DLG2: variants seen among roughly 807,000 people sequenced by gnomAD.
DLG2 encodes the protein discs large MAGUK scaffold protein 2.
In DLG2, 45 loss-of-function variants were observed where a neutral mutation model predicts 132.5. The ratio of observed to expected loss-of-function variants is 0.34; its 90% CI spans 0.27 to 0.44. The LOEUF (loss-of-function observed/expected upper bound fraction) is 0.44. Ranked by LOEUF, DLG2 falls within the 20% of genes least tolerant of loss-of-function variation. The probability of loss-of-function intolerance (pLI) is 1.00; values close to 1 mark genes in which losing one functional copy is unlikely to be tolerated. For missense variants in DLG2, 1,045 were observed against 1,196.9 expected, an observed-to-expected ratio of 0.87 and a Z score of 1.87; for synonymous variants, 424 against 419.6, an observed-to-expected ratio of 1.01 and a Z score of -0.13.
At chr11:83,547,281 C>T (rs1463898323) in intron 19 of DLG2, among the ~76,000 whole-genome samples, 1 of 152,094 alleles carries the variant, frequency 6.6e-6, no homozygotes, top group Non-Finnish European at 1.5e-5. Flanking sequence ...CCTTAACTCA[C>T]TCCCCCAAAA....
intron 6 of DLG2, among the ~76,000 whole-genome samples, chr11:84,859,493 T>A (rs2083326146): frequency 6.8e-6 from 1 of 147,878 alleles, no homozygotes; most frequent in African/African-American, 2.5e-5. Flanking sequence ...TGTATATATT[T>A]TATATATATC....
At chr11:84,260,997 T>C (rs1167158065) in intron 7 of DLG2, among the ~76,000 whole-genome samples, 3 of 152,204 alleles carry the variant, frequency 2.0e-5, no homozygotes, top group African/African-American at 7.2e-5. Context: ...ATTCACTCTA[T>C]GTGGTGCTAT....
intron 4 of DLG2, among the ~76,000 whole-genome samples, chr11:85,207,188 G>T (rs1436378288): frequency 6.6e-6 from 1 of 151,928 alleles, no homozygotes; most frequent in African/African-American, 2.4e-5. Context: ...TACATATATT[G>T]TACTAATGAG....
intron 6 of DLG2, among the ~76,000 whole-genome samples, chr11:85,019,346 G>C (rs1732037039): frequency 6.6e-6 from 1 of 152,142 alleles, no homozygotes; most frequent in Non-Finnish European, 1.5e-5. Flanking sequence ...GACAAGGATA[G>C]GGGAACACTG....
chr11:83,697,146 G>A (rs2082084495), intron 18 of DLG2, among the ~76,000 whole-genome samples: 1 of 152,196 alleles, frequency 6.6e-6, no homozygotes, highest in African/African-American at 2.4e-5. Flanking sequence ...GGAGGAGAAA[G>A]TAGAAGTTTG....
chr11:83,577,825 T>C (rs2096903365), intron 19 of DLG2, among the ~76,000 whole-genome samples: 1 of 112,850 alleles, frequency 8.9e-6, no homozygotes, highest in South Asian at 2.5e-4. Flanking sequence ...ATACAAAATA[T>C]TAAATATATA....
intron 7 of DLG2, among the ~76,000 whole-genome samples, chr11:84,472,619 G>A (rs902731394): frequency 2.6e-5 from 4 of 151,754 alleles, no homozygotes; most frequent in African/African-American, 9.7e-5. Flanking sequence ...TAACTTCAAG[G>A]ATCTTATTTA....
At chr11:83,508,536 C>T (rs780861905) in intron 21 of DLG2, among the ~76,000 whole-genome samples, 74 of 151,626 alleles carry the variant, frequency 4.9e-4, no homozygotes, top group Admixed American at 1.3e-3. Context: ...AGCCACCATG[C>T]CTGGCCAGAA....
chr11:84,967,198 G>C (rs943040162), intron 6 of DLG2, among the ~76,000 whole-genome samples: 1 of 151,976 alleles, frequency 6.6e-6, no homozygotes, highest in Admixed American at 6.6e-5. Flanking sequence ...ACAAAATCTT[G>C]AGCCATACTT....
At chr11:84,599,796 C>G (rs1228591716) in intron 6 of DLG2, among the ~76,000 whole-genome samples, 1 of 151,988 alleles carries the variant, frequency 6.6e-6, no homozygotes, top group Non-Finnish European at 1.5e-5. Flanking sequence ...CTTTAGGAGG[C>G]AGAGGCAGGC....
chr11:84,718,097 TA>T (rs140277164), intron 6 of DLG2, among the ~76,000 whole-genome samples: 1 of 152,158 alleles, frequency 6.6e-6, no homozygotes, highest in Non-Finnish European at 1.5e-5. Flanking sequence ...TTTAAGATTA[TA>T]AGATAGAATC....
At chr11:85,122,970 T>TATATA (rs58139003) in intron 5 of DLG2, among the ~76,000 whole-genome samples, 69 of 70,170 alleles carry the variant, frequency 9.8e-4, no homozygotes, top group African/African-American at 2.4e-3. Context: ...TATATATATA[T>TATATA]TTTTTTTTTT....
At chr11:83,621,287 G>T (rs1227108762) in intron 19 of DLG2, among the ~76,000 whole-genome samples, 2 of 151,614 alleles carry the variant, frequency 1.3e-5, no homozygotes, top group East Asian at 1.9e-4. Context: ...TAATTGTAAT[G>T]TTGCCAGTCA....
At chr11:84,577,715 A>C (rs1463029808) in intron 6 of DLG2, among the ~76,000 whole-genome samples, 1 of 152,228 alleles carries the variant, frequency 6.6e-6, no homozygotes, top group East Asian at 1.9e-4. Context: ...CTGATGATAC[A>C]GTAGAAAAGA....
At chr11:83,779,944 T>G (rs552150625) in intron 18 of DLG2, among the ~76,000 whole-genome samples, 2 of 152,324 alleles carry the variant, frequency 1.3e-5, no homozygotes, top group Admixed American at 6.5e-5. Flanking sequence ...AAACTGGTCT[T>G]GTCCAGTCCA....
At chr11:85,443,392 T>C (rs906185390) in intron 3 of DLG2, among the ~76,000 whole-genome samples, 2 of 152,206 alleles carry the variant, frequency 1.3e-5, no homozygotes, top group Admixed American at 6.5e-5. Context: ...AGCTGTGTAA[T>C]TGTCAAGTCG....
rs1220840041 is a variant in DLG2 at position 83,930,309 on chromosome 11, G to A, written c.1496+19C>T. ...CACATGCAGTTCGAGAAGATGAAGT[G>A]AGGAAGCGCATGCAGTACCTGGTCA... is the stretch of plus-strand genomic sequence containing the variant. On this transcript the variant is annotated intron_variant, in intron 15 of 27. Transcript: ENST00000376104. The A allele has an allele frequency of 6.2e-7, 1 of 1,612,444 alleles. No homozygotes were observed. The highest frequency in any genetic ancestry group is 1.7e-5 in the Admixed American group (1 of 59,962).
At chr11:84,800,983 C>A (rs1421777877) in intron 6 of DLG2, among the ~76,000 whole-genome samples, 1 of 152,086 alleles carries the variant, frequency 6.6e-6, no homozygotes, top group Admixed American at 6.5e-5. Flanking sequence ...TGCAGGAATT[C>A]TGAGCATCTC....
intron 6 of DLG2, chr11:84,720,853 G>A (rs1310910354): frequency 6.8e-6 from 1 of 147,026 alleles, no homozygotes. Flanking sequence ...AGAAGAAGAA[G>A]AAGAAAACAT....
Sources: gnomAD v4.1 joint callset for allele counts (sites outside exome capture counted in the v4.1 genomes callset) on GRCh38, gnomAD v4.1.1 for gene constraint, MANE v1.5 for transcripts, NCBI Gene and HGNC (gene_info 2026-07-23, HGNC 2026-07-21) for gene names.